PRDM15: variants seen among roughly 807,000 people sequenced by gnomAD.
PRDM15 encodes the protein PR/SET domain 15.
A neutral mutation model predicts 128.6 loss-of-function variants in PRDM15; 64 were observed. That is an observed-to-expected ratio of 0.50 (90% CI 0.41 to 0.61). The LOEUF (loss-of-function observed/expected upper bound fraction) is 0.61, where lower values mean the gene tolerates loss of function less well. PRDM15 is among the 20% of genes least tolerant of loss of function. The probability of loss-of-function intolerance (pLI) is 0.00; values close to 1 mark genes in which losing one functional copy is unlikely to be tolerated. For synonymous variants in PRDM15, 615 were observed against 621.8 expected (o/e 0.99, Z 0.16); for missense variants, 1,242 against 1,569.1 (o/e 0.79, Z 3.52).
Position 41,859,306 on chromosome 21 carries a change from T to C in PRDM15, c.131+286A>G, listed in dbSNP as rs2145902717. On this transcript the variant is annotated intron_variant, in intron 3 of 23. Coordinates refer to ENST00000398548, the MANE Select transcript of PRDM15 (RefSeq NM_001040424.3). This position sits in a 1 kb window ranked among gnomAD's most constrained non-coding sequence, Gnocchi z 5.3. ...TCAGCACGTCAACCACCTTGGCAAG[T>C]CCACTCTTCTGCAGCCTCCACACAC... 1 of 1,344,990 alleles carries C rather than the reference T, an allele frequency of 7.4e-7. No homozygotes were observed. Among genetic ancestry groups the C allele is most frequent in the South Asian group, 1.3e-5 (1 of 78,260 alleles). 83.3% of individuals were successfully genotyped at this position (1,344,990 alleles called of 1,614,324 possible). A position where few individuals can be genotyped will look rare whatever the true frequency, so the allele number is the denominator to read the frequency against.
intron 22 of PRDM15, 111 bp downstream of exon 22, chr21:41,804,423 C>T: frequency 1.3e-6 from 1 of 796,372 alleles, no homozygotes; most frequent in Admixed American, 2.4e-5. Flanking sequence ...AACCTGGCCA[C>T]AGGCTTGCCC....
chr21:41,837,924 C>G lies in PRDM15; in HGVS notation c.1001+10G>C, dbSNP rs750254837. ...CCACAGGACGGCCCCAGGTGCCAGG[C>G]AGGACTTACTTTGGAACCGAGCTGG... On this transcript the variant is annotated intron_variant, in intron 8 of 23. Transcript: ENST00000398548. 6.2e-7 allele frequency: 1 copy of G among 1,614,050 alleles called. No individual in the cohort carries two copies. Among genetic ancestry groups the G allele is most frequent in the African/African-American group, 1.3e-5 (1 of 74,932 alleles).
intron 1 of PRDM15, among the ~76,000 whole-genome samples, chr21:41,866,033 G>C (rs190581686): frequency 2.0e-5 from 3 of 152,040 alleles, no homozygotes; most frequent in Non-Finnish European, 4.4e-5. Flanking sequence ...GAGACCCCAC[G>C]CCCAGCCTCT....
At chr21:41,858,320 G>A (rs910378822) in intron 3 of PRDM15, among the ~76,000 whole-genome samples, 1 of 152,198 alleles carries the variant, frequency 6.6e-6, no homozygotes, top group Non-Finnish European at 1.5e-5. Context: ...CTCGGACAGA[G>A]GCGGACATTG....
rs2146601650 is a variant in PRDM15, at chr21:41,837,979, A to G, written c.956T>C (p.Leu319Pro). ...TPDERIMELV[L>P]GKLATTTTDT... ...AGTGGTGGTGGTGGCCAGCTTCCCC[A>G]GAACCAGCTCCATGATCCGCTCATC... The change falls in exon 8 of 24, where the codon CTG becomes CCG. Residue 319 changes from leucine (L) to proline (P), a missense_variant. Physicochemically the swap from Leu to Pro is moderately conservative, Grantham distance 98 (BLOSUM62 -3). Transcript: ENST00000398548. The G allele has an allele frequency of 6.2e-7, 1 of 1,614,244 alleles. No individual in the cohort carries two copies. Among genetic ancestry groups the G allele is most frequent in the East Asian group, 2.2e-5 (1 of 44,876 alleles).
rs2063773854 is a variant in PRDM15, at chr21:41,860,387, G to A, written c.-9-15C>T. 2 of 1,612,068 alleles carry A rather than the reference G, an allele frequency of 1.2e-6. No homozygotes were observed. Among genetic ancestry groups the A allele is most frequent in the Admixed American group, 1.7e-5 (1 of 59,958 alleles). ...ATCTCTGACACCTGTCAGGATACAAGAGAGCCTCATTAATGACAAGCTCTT... is the reference window on the plus strand; with the variant it reads ...ATCTCTGACACCTGTCAGGATACAAAAGAGCCTCATTAATGACAAGCTCTT... On this transcript the variant is annotated splice_polypyrimidine_tract_variant and intron_variant, in intron 1 of 23. Transcript: ENST00000398548.
Position 41,859,162 on chromosome 21 carries a change from CCT to C in PRDM15, c.131+428_131+429del. 1 of 1,613,988 alleles carries C rather than the reference CCT, an allele frequency of 6.2e-7. No homozygotes were observed. Among genetic ancestry groups the C allele is most frequent in the South Asian group, 1.1e-5 (1 of 91,048 alleles). On this transcript the variant is annotated intron_variant, in intron 3 of 23. Transcript: ENST00000398548. This position sits in a 1 kb window ranked among gnomAD's most constrained non-coding sequence, Gnocchi z 5.3. ...GAAGCTGCTGTGGGTCAGCCCTGTCCCTGTCCTCATAACCCCGCATCCCCTGC... is the reference window on the plus strand; with the variant it reads ...GAAGCTGCTGTGGGTCAGCCCTGTCCGTCCTCATAACCCCGCATCCCCTGC...
At chr21:41,874,516 TATATA>T (rs1384745792) in intron 1 of PRDM15, among the ~76,000 whole-genome samples, 157 of 68,864 alleles carry the variant, frequency 2.3e-3, no homozygotes, top group East Asian at 0.018. Flanking sequence ...TATATATATA[TATATA>T]TATATTTTTT....
intron 3 of PRDM15, among the ~76,000 whole-genome samples, chr21:41,858,012 G>A (rs764692507): frequency 3.3e-5 from 5 of 152,204 alleles, no homozygotes; most frequent in Admixed American, 6.5e-5. Context: ...GGGCTGCTAC[G>A]GGACAGAACA....
chr21:41,865,721 T>C (rs17766531), intron 1 of PRDM15, among the ~76,000 whole-genome samples: 8,871 of 152,298 alleles, frequency 0.058, 347 homozygotes, highest in Middle Eastern at 0.13. Context: ...GTCATGCACA[T>C]GGTCTGTTTT....
rs2062265099 is a variant in PRDM15, at chr21:41,821,529, G to GGGGGAGGAGAGAA, written c.1897-312_1897-300dup. On this transcript the variant is annotated intron_variant, in intron 15 of 23. Coordinates refer to ENST00000398548, the MANE Select transcript of PRDM15 (RefSeq NM_001040424.3). The surrounding 1 kb of genome is among the most constrained non-coding windows in gnomAD (Gnocchi z 5.4). ...CTTCAGGCCTCAGCAGGGAGGAGGA[G>GGGGGAGGAGAGAA]GGGGAGGAGAGAAGGGGAGGGGAAA... 6.6e-6 allele frequency among the ~76,000 whole-genome samples: 1 copy of GGGGGAGGAGAGAA among 152,174 alleles called. No homozygotes were observed. The highest frequency in any genetic ancestry group is 1.5e-5 in the Non-Finnish European group (1 of 68,016).
In PRDM15 at chr21:41,832,275, G is replaced by A. The variant is rs556458167; in HGVS notation, c.1366+3162C>T. On this transcript the variant is annotated intron_variant, in intron 11 of 23. Coordinates refer to ENST00000398548, the MANE Select transcript of PRDM15 (RefSeq NM_001040424.3). The surrounding 1 kb of genome is among the most constrained non-coding windows in gnomAD (Gnocchi z 4.2). The stretch of plus-strand genomic sequence containing the variant: ...AGGAATGGGACCACTAGAGCCAAGC[G>A]CTTTGTGAAAGGCCACACCTTACAG... Among the ~76,000 whole-genome samples, 1 of 152,278 alleles carries A rather than the reference G, an allele frequency of 6.6e-6. No individual in the cohort carries two copies. The highest frequency in any genetic ancestry group is 2.1e-4 in the South Asian group (1 of 4,826).
At chr21:41,876,592 C>A (rs1298092916) in intron 1 of PRDM15, among the ~76,000 whole-genome samples, 2 of 152,250 alleles carry the variant, frequency 1.3e-5, no homozygotes, top group African/African-American at 2.4e-5. Context: ...ACCCCAGGGC[C>A]ATGACTGCAA....
chr21:41,844,592 G>A (rs1297968405), intron 6 of PRDM15, among the ~76,000 whole-genome samples: 8 of 61,266 alleles, frequency 1.3e-4, no homozygotes, highest in African/African-American at 4.8e-4. Flanking sequence ...CCCTCACAGG[G>A]ACACATACAG....
chr21:41,824,404 C>T (rs1038289406), intron 13 of PRDM15, among the ~76,000 whole-genome samples: 2 of 152,148 alleles, frequency 1.3e-5, no homozygotes, highest in African/African-American at 4.8e-5. Context: ...GGGCTGAAGA[C>T]AACTAATAAC....
At chr21:41,805,735 CCAT>C (rs921482312) in intron 21 of PRDM15, among the ~76,000 whole-genome samples, 3 of 151,472 alleles carry the variant, frequency 2.0e-5, no homozygotes, top group African/African-American at 4.9e-5. Flanking sequence ...ACCACCACCA[CCAT>C]CATCATTACC....
intron 17 of PRDM15, 175 bp from the exon 18 acceptor site, chr21:41,819,876 C>T: frequency 2.4e-6 from 2 of 849,476 alleles, no homozygotes; most frequent in South Asian, 3.4e-5. Context: ...CCTGTGACTC[C>T]AGTAGATCCC....
chr21:41,839,537 G>A (rs537698458), intron 7 of PRDM15, 86 bp downstream of exon 7: 180 of 652,870 alleles, frequency 2.8e-4, no homozygotes, highest in African/African-American at 4.8e-4. Flanking sequence ...TTCCCGCCCC[G>A]CCCTCTGCCC....
chr21:41,855,664 A>G (rs1259587132), intron 4 of PRDM15, among the ~76,000 whole-genome samples: 1 of 152,194 alleles, frequency 6.6e-6, no homozygotes, highest in Admixed American at 6.5e-5. Context: ...GCATGCACTG[A>G]GAACAACCCA....
Sources: gnomAD v4.1 joint callset for allele counts (sites outside exome capture counted in the v4.1 genomes callset) on GRCh38, gnomAD v4.1.1 for gene constraint, Gnocchi (gnomAD v3.1) non-coding constraint, MANE v1.5 for transcripts, NCBI Gene and HGNC (gene_info 2026-07-23, HGNC 2026-07-21) for gene names.